Variants in MALRD1 observed in about 807,000 individuals in gnomAD.
MALRD1 encodes the protein MAM and LDL receptor class A domain containing 1.
In MALRD1, 247 loss-of-function variants were observed where a neutral mutation model predicts 242.1. That is an observed-to-expected ratio of 1.02 (90% CI 0.92 to 1.13). The LOEUF (loss-of-function observed/expected upper bound fraction) is 1.13. MALRD1 is among the 50% of genes most tolerant of loss of function. The probability of loss-of-function intolerance (pLI) is 0.00; values close to 1 mark genes in which losing one functional copy is unlikely to be tolerated. For missense variants in MALRD1, 2,989 were observed against 2,533.1 expected, an observed-to-expected ratio of 1.18 and a Z score of -3.86; for synonymous variants, 995 against 866.6, an observed-to-expected ratio of 1.15 and a Z score of -2.60.
chr10:19,103,560 A>AAAAAAAG (rs201966500), intron 4 of MALRD1, among the ~76,000 whole-genome samples: 1 of 149,446 alleles, frequency 6.7e-6, no homozygotes, highest in Admixed American at 6.6e-5. Context: ...TCAAAAAAAA[A>AAAAAAAG]AAAAATAAAT....
chr10:19,733,123 T>C (rs1835362120), intron 39 of MALRD1, among the ~76,000 whole-genome samples: 1 of 152,174 alleles, frequency 6.6e-6, no homozygotes, highest in African/African-American at 2.4e-5. Context: ...AACTATGTTT[T>C]AAATTATTGG....
intron 8 of MALRD1, among the ~76,000 whole-genome samples, chr10:19,133,153 A>G (rs1833182119): frequency 6.6e-6 from 1 of 152,026 alleles, no homozygotes; most frequent in African/African-American, 2.4e-5. Flanking sequence ...ACTTTTATTG[A>G]GTTTCTTACA....
chr10:19,674,455 C>T (rs1253615097), intron 36 of MALRD1, among the ~76,000 whole-genome samples: 1 of 152,134 alleles, frequency 6.6e-6, no homozygotes, highest in Non-Finnish European at 1.5e-5. Flanking sequence ...GTCTTAGAGC[C>T]TCATAGATTC....
At chr10:19,454,884 A>T (rs1363215581) in intron 29 of MALRD1, among the ~76,000 whole-genome samples, 1 of 152,214 alleles carries the variant, frequency 6.6e-6, no homozygotes, top group African/African-American at 2.4e-5. Context: ...ATTAGATAAT[A>T]TTTAGAAAAT....
chr10:19,152,838 C>A (rs1003602436), intron 11 of MALRD1, among the ~76,000 whole-genome samples: 1 of 151,862 alleles, frequency 6.6e-6, no homozygotes, highest in Non-Finnish European at 1.5e-5. Context: ...CTACACTCAC[C>A]AGACCTTTAA....
At chr10:19,230,982 T>C (rs1427061844) in intron 18 of MALRD1, among the ~76,000 whole-genome samples, 1 of 152,184 alleles carries the variant, frequency 6.6e-6, no homozygotes, top group Non-Finnish European at 1.5e-5. Context: ...GTGGAGACTT[T>C]TATGTGTGAC....
chr10:19,315,231 A>T (rs28565513), intron 21 of MALRD1, among the ~76,000 whole-genome samples: 24,677 of 96,684 alleles, frequency 0.26, 3,892 homozygotes, highest in East Asian at 0.37. Context: ...TATAAATATA[A>T]TTTATAGAAA....
At position 19,066,831 on chromosome 10, in the gene MALRD1, ATT is replaced by A. The variant is rs1227663452; in HGVS notation, c.315_316del (p.Phe105LeufsTer2). On this transcript the variant is annotated frameshift_variant, in exon 2 of 40. Transcript: ENST00000454679. LOFTEE classifies it high-confidence loss of function. ...RSGMIGLSPP[F>X]YDHNGDVSAH... The stretch of plus-strand genomic sequence containing the variant: ...GTGGGATGATTGGTCTATCACCTCC[ATT>A]TTATGATCACAATGGTGATGTGTCT... The A allele has an allele frequency of 6.5e-6, 8 of 1,233,548 alleles. No individual in the cohort carries two copies. The allele number at this position is 1,233,548 out of a possible 1,614,324, so 76.4% of individuals were successfully genotyped here.
intron 18 of MALRD1, among the ~76,000 whole-genome samples, chr10:19,241,252 A>G (rs945050008): frequency 1.3e-5 from 2 of 151,982 alleles, no homozygotes; most frequent in African/African-American, 4.8e-5. Context: ...TCAATTTCCA[A>G]ACTCATTATT....
intron 36 of MALRD1, among the ~76,000 whole-genome samples, chr10:19,647,301 A>T (rs534320879): frequency 4.5e-4 from 69 of 152,322 alleles, no homozygotes; most frequent in African/African-American, 1.6e-3. Flanking sequence ...ACAATTAAGT[A>T]TGCCATTTCT....
intron 36 of MALRD1, among the ~76,000 whole-genome samples, chr10:19,633,113 T>A (rs1416136918): frequency 6.6e-6 from 1 of 152,098 alleles, no homozygotes; most frequent in Non-Finnish European, 1.5e-5. Context: ...GCACCTGTAA[T>A]CACAGCTATT....
chr10:19,365,589 G>T (rs542191092), intron 26 of MALRD1, among the ~76,000 whole-genome samples: 1 of 144,812 alleles, frequency 6.9e-6, no homozygotes, highest in African/African-American at 2.6e-5. Context: ...ATTAGAATGG[G>T]TTTCTTATTC....
intron 38 of MALRD1, among the ~76,000 whole-genome samples, chr10:19,718,774 T>C (rs1302564434): frequency 3.9e-5 from 6 of 152,112 alleles, no homozygotes; most frequent in South Asian, 2.1e-4. Context: ...TTTTTCTAAT[T>C]TGTGATGAAC....
chr10:19,255,353 G>A (rs145087235), intron 18 of MALRD1, among the ~76,000 whole-genome samples: 18 of 151,712 alleles, frequency 1.2e-4, no homozygotes, highest in East Asian at 3.9e-4. Context: ...TCTTCTATTC[G>A]TTCTCGGGGA....
chr10:19,406,347 G>C (rs1847108006), intron 28 of MALRD1, among the ~76,000 whole-genome samples: 1 of 152,160 alleles, frequency 6.6e-6, no homozygotes, highest in Non-Finnish European at 1.5e-5. Flanking sequence ...TTACTTTTCT[G>C]AACAGGAGTT....
intron 18 of MALRD1, among the ~76,000 whole-genome samples, chr10:19,237,741 AT>A (rs549776743): frequency 0.052 from 5,845 of 111,762 alleles, 196 homozygotes; most frequent in Non-Finnish European, 0.073. Flanking sequence ...ATTATATATA[AT>A]TTATATATAA....
At chr10:19,265,802 G>T (rs993526714) in intron 19 of MALRD1, among the ~76,000 whole-genome samples, 6 of 151,974 alleles carry the variant, frequency 3.9e-5, no homozygotes, top group African/African-American at 1.4e-4. Context: ...TCTATCCATT[G>T]TTGGAAGTGG....
chr10:19,455,873 C>G (rs1835621371), intron 29 of MALRD1, among the ~76,000 whole-genome samples: 1 of 152,078 alleles, frequency 6.6e-6, no homozygotes, highest in Non-Finnish European at 1.5e-5. Flanking sequence ...GTGGATTTTT[C>G]TTTTTCCCTT....
Position 19,272,896 on chromosome 10 carries a change from G to A in MALRD1, c.3080-7151G>A, listed in dbSNP as rs367776871. Among the ~76,000 whole-genome samples the A allele has an allele frequency of 2.6e-5, 4 of 152,096 alleles. No homozygotes were observed. The East Asian group carries it at 5.8e-4, about 22-fold the overall frequency. ...TTATGGCTGCATAGTATTCCATGGT[G>A]TATATGTGCCACATTTTCTTTATCC... On this transcript the variant is annotated intron_variant, in intron 19 of 39. Transcript: ENST00000454679.
Sources: gnomAD v4.1 joint callset for allele counts (sites outside exome capture counted in the v4.1 genomes callset) on GRCh38, gnomAD v4.1.1 for gene constraint, MANE v1.5 for transcripts, NCBI Gene and HGNC (gene_info 2026-07-23, HGNC 2026-07-21) for gene names.